ANXA4: variants seen among roughly 807,000 people sequenced by gnomAD.
ANXA4 encodes 35-beta calcimedin.
In ANXA4, 39 loss-of-function variants were observed where a neutral mutation model predicts 49.8. The observed-to-expected ratio is 0.78, with a 90% CI of 0.61 to 1.02. The LOEUF is 1.02. Among genes scored for constraint, ANXA4 ranks in the 50% least tolerant of loss-of-function variants. The pLI is 0.00. For synonymous variants in ANXA4, 134 were observed against 152.5 expected, an observed-to-expected ratio of 0.88 and a Z score of 0.89; for missense variants, 360 against 410.1, an observed-to-expected ratio of 0.88 and a Z score of 1.05.
intron 2 of ANXA4, among the ~76,000 whole-genome samples, chr2:69,703,221 C>T (rs1559093544): frequency 6.7e-6 from 1 of 149,370 alleles, no homozygotes; most frequent in Non-Finnish European, 1.5e-5. Context: ...GACTCTTTCG[C>T]CTCTGGCTTC....
intron 8 of ANXA4, among the ~76,000 whole-genome samples, chr2:69,814,342 CTT>C (rs781253870): frequency 8.2e-5 from 8 of 97,300 alleles, no homozygotes; most frequent in Admixed American, 1.4e-4. Context: ...GTATTTTATT[CTT>C]TTTTTTTTTT....
intron 3 of ANXA4, among the ~76,000 whole-genome samples, chr2:69,801,155 A>G (rs1295326933): frequency 6.6e-6 from 1 of 152,132 alleles, no homozygotes; most frequent in East Asian, 1.9e-4. Context: ...TTTCTTTCTT[A>G]CTGTACACAT....
At chr2:69,697,025 C>T (rs4852925) in intron 2 of ANXA4, among the ~76,000 whole-genome samples, 20,977 of 152,140 alleles carry the variant, frequency 0.14, 2,061 homozygotes, top group East Asian at 0.36. Flanking sequence ...TCACCAGCTG[C>T]ATTAGTCCCT....
intron 1 of ANXA4, among the ~76,000 whole-genome samples, chr2:69,767,374 G>C (rs762606995): frequency 4.6e-5 from 7 of 152,212 alleles, no homozygotes; most frequent in Non-Finnish European, 8.8e-5. Context: ...AGTAGTCTCT[G>C]AAGCAGGCTG....
chr2:69,645,039 A>G (rs962767350), intron 1 of ANXA4: 2 of 152,142 alleles, frequency 1.3e-5, no homozygotes, highest in Non-Finnish European at 2.9e-5. Context: ...AATATGGGTT[A>G]TTGTTCATCT....
chr2:69,731,939 CA>C (rs1382264886), intron 3 of ANXA4, among the ~76,000 whole-genome samples: 1 of 151,008 alleles, frequency 6.6e-6, no homozygotes, highest in Non-Finnish European at 1.5e-5. Flanking sequence ...ACAGAAATAC[CA>C]AATGCTGATG....
intron 2 of ANXA4, among the ~76,000 whole-genome samples, chr2:69,717,755 C>A (rs1669688568): frequency 6.6e-6 from 1 of 152,150 alleles, no homozygotes; most frequent in South Asian, 2.1e-4. Context: ...CTTCCTGATG[C>A]CTGGGACTGG....
intron 2 of ANXA4, among the ~76,000 whole-genome samples, chr2:69,668,900 TATTTAA>T (rs1368766995): frequency 2.0e-5 from 3 of 152,108 alleles, no homozygotes; most frequent in Non-Finnish European, 4.4e-5. Flanking sequence ...TAAAATTATT[TATTTAA>T]ACATATACTT....
At chr2:69,764,329 C>G (rs1671419210) in intron 1 of ANXA4, among the ~76,000 whole-genome samples, 1 of 152,148 alleles carries the variant, frequency 6.6e-6, no homozygotes, top group Non-Finnish European at 1.5e-5. Context: ...GACTTTGATT[C>G]TAAAATAACT....
At chr2:69,813,313 A>G (rs1427361190) in intron 8 of ANXA4, among the ~76,000 whole-genome samples, 1 of 150,298 alleles carries the variant, frequency 6.7e-6, no homozygotes, top group African/African-American at 2.5e-5. Context: ...CAATGGCATG[A>G]TCTTGGCTCA....
chr2:69,812,191 C>G (rs1673735934), intron 7 of ANXA4, among the ~76,000 whole-genome samples: 1 of 150,024 alleles, frequency 6.7e-6, no homozygotes, highest in Non-Finnish European at 1.5e-5. Context: ...CAGGTGCCAT[C>G]TTAGCTCACT....
At chr2:69,651,765 G>A (rs1441908833) in intron 1 of ANXA4, among the ~76,000 whole-genome samples, 1 of 138,794 alleles carries the variant, frequency 7.2e-6, no homozygotes, top group East Asian at 2.3e-4. Context: ...GCCTCCCAAA[G>A]TGGTGGGATT....
intron 3 of ANXA4, among the ~76,000 whole-genome samples, chr2:69,800,874 T>G (rs900677535): frequency 1.3e-5 from 2 of 151,898 alleles, no homozygotes; most frequent in Non-Finnish European, 2.9e-5. Flanking sequence ...AGAGTGGAAG[T>G]TTAATAGGGA....
chr2:69,723,329 CT>C (rs1459514361), intron 3 of ANXA4, among the ~76,000 whole-genome samples: 1 of 151,944 alleles, frequency 6.6e-6, no homozygotes, highest in Non-Finnish European at 1.5e-5. Flanking sequence ...ATAAGATGTG[CT>C]AAAAGATGCC....
At chr2:69,656,377 G>GTGTATATATA (rs1559046716) in intron 2 of ANXA4, among the ~76,000 whole-genome samples, 7 of 100,158 alleles carry the variant, frequency 7.0e-5, no homozygotes, top group Non-Finnish European at 1.0e-4. Context: ...GTGTATATAT[G>GTGTATATATA]TGTATATATA....
intron 1 of ANXA4, among the ~76,000 whole-genome samples, chr2:69,749,501 T>G (rs1670751103): frequency 6.6e-6 from 1 of 152,174 alleles, no homozygotes; most frequent in Non-Finnish European, 1.5e-5. Context: ...CTGGTTAAAT[T>G]ATGGAACATC....
intron 3 of ANXA4, among the ~76,000 whole-genome samples, chr2:69,799,881 C>T (rs1216674803): frequency 1.3e-5 from 2 of 152,190 alleles, no homozygotes; most frequent in African/African-American, 2.4e-5. Flanking sequence ...CTCAATGTTG[C>T]TAACAGTAAC....
intron 2 of ANXA4, among the ~76,000 whole-genome samples, chr2:69,657,848 G>A (rs76915587): frequency 6.6e-6 from 1 of 152,074 alleles, no homozygotes; most frequent in African/African-American, 2.4e-5. Flanking sequence ...CAAGATGAAT[G>A]GGGATTTAAA....
At chr2:69,748,475 T>G (rs1279415015) in intron 1 of ANXA4, among the ~76,000 whole-genome samples, 1 of 150,792 alleles carries the variant, frequency 6.6e-6, no homozygotes, top group Non-Finnish European at 1.5e-5. Flanking sequence ...TTTTCATTAA[T>G]TTTACATTAT....
Sources: gnomAD v4.1 joint callset for allele counts (sites outside exome capture counted in the v4.1 genomes callset) on GRCh38, gnomAD v4.1.1 for gene constraint, MANE v1.5 for transcripts, NCBI Gene and HGNC (gene_info 2026-07-23, HGNC 2026-07-21) for gene names.